DRC8: variants seen among roughly 807,000 people sequenced by gnomAD.
DRC8 encodes dynein regulatory complex subunit 8, also known as dynein regulatory complex protein 8.
At chr1:245,090,509 A>C in the DRC8 span, among the ~76,000 whole-genome samples, 1 of 152,172 alleles carries the variant, frequency 6.6e-6, no homozygotes, top group African/African-American at 2.4e-5. Context: ...AACTCATTTC[A>C]TCCTCACATC....
the DRC8 span, among the ~76,000 whole-genome samples, chr1:245,005,786 A>G: frequency 6.6e-6 from 1 of 152,242 alleles, no homozygotes; most frequent in African/African-American, 2.4e-5. Flanking sequence ...TGTATGCTAC[A>G]TGATTACATA....
chr1:245,029,389 C>T, the DRC8 span, among the ~76,000 whole-genome samples: 1 of 152,164 alleles, frequency 6.6e-6, no homozygotes, highest in Non-Finnish European at 1.5e-5. Context: ...CCTCCACCTC[C>T]CCGGTTCAAG....
chr1:245,084,573 C>T, the DRC8 span, among the ~76,000 whole-genome samples: 2 of 152,278 alleles, frequency 1.3e-5, no homozygotes, highest in Admixed American at 6.5e-5. Flanking sequence ...TAGGAATTCT[C>T]TCTGCTAGGC....
the DRC8 span, among the ~76,000 whole-genome samples, chr1:245,047,091 G>T: frequency 6.6e-6 from 1 of 152,166 alleles, no homozygotes. Context: ...ATCAGCCTTC[G>T]TGAAGGATGA....
chr1:245,113,752 C>T, the DRC8 span, among the ~76,000 whole-genome samples: 2,853 of 150,464 alleles, frequency 0.019, 107 homozygotes, highest in East Asian at 0.14. Context: ...ACGCCACACT[C>T]GACACTTTAC....
the DRC8 span, among the ~76,000 whole-genome samples, chr1:245,044,846 C>T: frequency 2.0e-5 from 3 of 152,102 alleles, no homozygotes; most frequent in African/African-American, 2.4e-5. Context: ...CCCCCTCCCC[C>T]GACCCAGCCC....
the DRC8 span, among the ~76,000 whole-genome samples, chr1:245,099,920 C>T: frequency 2.6e-5 from 4 of 152,328 alleles, no homozygotes; most frequent in Admixed American, 2.0e-4. Flanking sequence ...GCCATCAACT[C>T]GAGGCCAATC....
At chr1:245,068,681 A>G in the DRC8 span, among the ~76,000 whole-genome samples, 1 of 151,118 alleles carries the variant, frequency 6.6e-6, no homozygotes, top group African/African-American at 2.4e-5. Flanking sequence ...GCCTCAAGTG[A>G]TCCTCCCACC....
the DRC8 span, among the ~76,000 whole-genome samples, chr1:245,003,337 G>C: frequency 6.6e-6 from 1 of 152,130 alleles, no homozygotes; most frequent in Non-Finnish European, 1.5e-5. Context: ...ATGGTAATTT[G>C]ATGTGTAACT....
the DRC8 span, chr1:245,083,400 G>T: frequency 6.3e-7 from 1 of 1,580,336 alleles, no homozygotes; most frequent in Non-Finnish European, 8.7e-7. Context: ...AAAGACTGCG[G>T]TAAATACCAC....
At chr1:245,052,792 A>C in the DRC8 span, among the ~76,000 whole-genome samples, 1 of 152,204 alleles carries the variant, frequency 6.6e-6, no homozygotes, top group Non-Finnish European at 1.5e-5. Flanking sequence ...ACCTGGTGGC[A>C]AGTTGTGGTG....
chr1:245,017,397 T>C, the DRC8 span: 6 of 1,431,838 alleles, frequency 4.2e-6, no homozygotes, highest in Non-Finnish European at 5.6e-6. Flanking sequence ...AAGAGAGCTA[T>C]TTTCTCTTTT....
chr1:245,042,875 A>T, the DRC8 span, among the ~76,000 whole-genome samples: 1 of 152,128 alleles, frequency 6.6e-6, no homozygotes, highest in Non-Finnish European at 1.5e-5. Flanking sequence ...TTGATACTAC[A>T]CCCACTAAAT....
chr1:245,062,374 C>T, the DRC8 span, among the ~76,000 whole-genome samples: 1 of 152,260 alleles, frequency 6.6e-6, no homozygotes, highest in African/African-American at 2.4e-5. Flanking sequence ...TGGAATATCA[C>T]AAAAACTGGC....
At chr1:245,024,552 T>TC in the DRC8 span, among the ~76,000 whole-genome samples, 1 of 73,704 alleles carries the variant, frequency 1.4e-5, no homozygotes, top group African/African-American at 4.8e-5. Flanking sequence ...TTTCTTTCTC[T>TC]TTTTTTTTTT....
At chr1:244,974,940 T>A in the DRC8 span, among the ~76,000 whole-genome samples, 2 of 151,210 alleles carry the variant, frequency 1.3e-5, no homozygotes, top group African/African-American at 4.9e-5. Flanking sequence ...TTATTTTTAT[T>A]TTTTTTTTGA....
the DRC8 span, among the ~76,000 whole-genome samples, chr1:244,992,321 A>G: frequency 1.3e-5 from 2 of 152,366 alleles, no homozygotes; most frequent in South Asian, 4.1e-4. Flanking sequence ...CTGCCGCCAC[A>G]ATAATTTTTC....
At chr1:244,971,280 A>T in the DRC8 span, among the ~76,000 whole-genome samples, 1 of 151,908 alleles carries the variant, frequency 6.6e-6, no homozygotes, top group Non-Finnish European at 1.5e-5. Context: ...GAGATCTTGG[A>T]ACCGCTGTGC....
chr1:244,973,218 G>A, the DRC8 span, among the ~76,000 whole-genome samples: 2 of 103,192 alleles, frequency 1.9e-5, no homozygotes, highest in African/African-American at 3.0e-5. Flanking sequence ...AATAATTTTG[G>A]CAATATACTA....
Sources: gnomAD v4.1 joint callset for allele counts (sites outside exome capture counted in the v4.1 genomes callset) on GRCh38, gnomAD v4.1.1 for gene constraint, MANE v1.5 for transcripts, NCBI Gene and HGNC (gene_info 2026-07-23, HGNC 2026-07-21) for gene names.